Variants in IL13RA1 observed in about 807,000 individuals in gnomAD.
IL13RA1 encodes the protein interleukin 13 receptor subunit alpha 1.
In IL13RA1, 14 loss-of-function variants were observed where a neutral mutation model predicts 33.8. The ratio of observed to expected loss-of-function variants is 0.41; its 90% confidence interval spans 0.27 to 0.65. The LOEUF (loss-of-function observed/expected upper bound fraction) is 0.65, where lower values mean the gene tolerates loss of function less well. Among genes scored for constraint, IL13RA1 ranks in the 30% least tolerant of loss-of-function variants. The pLI is 0.28. For synonymous variants in IL13RA1, 116 were observed against 115.7 expected, an observed-to-expected ratio of 1.00 and a Z score of -0.02; for missense variants, 313 against 327.0, an observed-to-expected ratio of 0.96 and a Z score of 0.33.
intron 4 of IL13RA1, among the ~76,000 whole-genome samples, chrX:118,755,560 C>G (rs988751171): frequency 9.0e-6 from 1 of 111,564 alleles, no homozygotes; most frequent in Non-Finnish European, 1.9e-5. Flanking sequence ...GAAATGTTAT[C>G]TATTCAGAAC....
chrX:118,773,740 T>C, intron 8 of IL13RA1, 139 bp from the exon 9 acceptor site: 1 of 466,694 alleles, frequency 2.1e-6, no homozygotes, highest in Admixed American at 3.6e-5. Flanking sequence ...GAAGATAAGA[T>C]AATTGAAGAG....
intron 2 of IL13RA1, 137 bp from the exon 3 acceptor site, chrX:118,746,816 GC>G (rs2017410125): frequency 6.9e-6 from 3 of 437,717 alleles, no homozygotes; most frequent in Non-Finnish European, 1.2e-5. Context: ...AACAAAATCA[GC>G]CCCAATTGAG....
At chrX:118,773,361 T>G (rs2017745968) in intron 8 of IL13RA1, among the ~76,000 whole-genome samples, 2 of 111,323 alleles carry the variant, frequency 1.8e-5, no homozygotes, top group South Asian at 7.6e-4. Context: ...TGTGGTGGTG[T>G]GCGCCTGTAG....
chrX:118,731,561 A>G (rs1406838144), intron 1 of IL13RA1, among the ~76,000 whole-genome samples: 1 of 97,504 alleles, frequency 1.0e-5, no homozygotes. Context: ...TGGGTAACAG[A>G]GCGAGACTCC....
intron 10 of IL13RA1, among the ~76,000 whole-genome samples, chrX:118,780,128 G>A (rs776340439): frequency 1.8e-5 from 2 of 111,938 alleles, no homozygotes; most frequent in African/African-American, 6.5e-5. Flanking sequence ...CAGATATGGG[G>A]AAGGGTAAGA....
At chrX:118,774,186 G>A (rs1432277856) in intron 9 of IL13RA1, among the ~76,000 whole-genome samples, 1 of 99,187 alleles carries the variant, frequency 1.0e-5, no homozygotes, top group Non-Finnish European at 2.0e-5. Context: ...TGGAGTCTCT[G>A]TTGCCCAGGC....
chrX:118,766,546 G>A lies in IL13RA1; in HGVS notation c.845G>A (p.Cys282Tyr). The change falls in exon 7 of 11, where the codon TGT (cysteine) becomes TAT (tyrosine). Residue 282 changes from cysteine (C) to tyrosine (Y), a missense_variant. Physicochemically the swap from Cys to Tyr is radical, Grantham distance 194. Transcript: ENST00000371666. ...HNVFYVQEAK[C>Y]ENPEFERNVE... is the part of the protein sequence containing the mutation. The stretch of plus-strand genomic sequence containing the variant: ...ATTTTCAAGGTCCAAGAGGCTAAAT[G>A]TGAGAATCCAGAATTTGAGAGAAAT... 9.5e-7 allele frequency: 1 copy of A among 1,052,494 alleles called. No individual in the cohort carries two copies. The highest frequency in any genetic ancestry group is 1.3e-6 in the Non-Finnish European group (1 of 751,088). The allele number at this position is 1,052,494 out of a possible 1,213,427, so 86.7% of individuals were successfully genotyped here.
chrX:118,757,646 A>G (rs1179202545), intron 4 of IL13RA1, among the ~76,000 whole-genome samples: 2 of 99,045 alleles, frequency 2.0e-5, no homozygotes, highest in Non-Finnish European at 4.1e-5. Flanking sequence ...ATTGCTTTTC[A>G]TGGACATCTC....
chrX:118,734,727 G>T (rs2017262073), intron 1 of IL13RA1, among the ~76,000 whole-genome samples: 1 of 111,851 alleles, frequency 8.9e-6, no homozygotes, highest in Admixed American at 9.5e-5. Flanking sequence ...CTGCTATTTT[G>T]TTGAGAATTT....
At chrX:118,770,577 G>A (rs776050251) in intron 8 of IL13RA1, 1 of 496,378 alleles carries the variant, frequency 2.0e-6, no homozygotes, top group East Asian at 5.0e-5. Flanking sequence ...TCCGCAAGCT[G>A]TTCCGCAAGC....
At chrX:118,784,129 G>GTATATA (rs72041786) in intron 10 of IL13RA1, among the ~76,000 whole-genome samples, 2,335 of 61,458 alleles carry the variant, frequency 0.038, 185 homozygotes, top group Non-Finnish European at 0.044. Context: ...GTATATATAT[G>GTATATA]TATATATATA....
At chrX:118,776,384 A>G (rs757068866) in intron 9 of IL13RA1, 43 bp from the exon 10 acceptor site, 1 of 592,532 alleles carries the variant, frequency 1.7e-6, no homozygotes, top group African/African-American at 2.2e-5. Context: ...GGACACTCCT[A>G]TGGACTGGAA....
Position 118,794,312 on chromosome X carries a change from G to A in IL13RA1, c.*2458G>A, listed in dbSNP as rs1209116083. Reference sequence around the variant, plus strand: ...ATTAGTAGGCTCATTTACTGTTTTAGGTCTAGCCTATGTGGATTTTTTCCT... The same window carrying A: ...ATTAGTAGGCTCATTTACTGTTTTAAGTCTAGCCTATGTGGATTTTTTCCT... On this transcript the variant is annotated 3_prime_UTR_variant, in exon 11 of 11. Transcript: ENST00000371666. The A allele has an allele frequency of 8.9e-6, 1 of 112,327 alleles. No homozygotes were observed. The highest frequency in any genetic ancestry group is 2.8e-4 in the East Asian group (1 of 3,591). The allele number at this position is 112,327 out of a possible 1,213,427, so 9.3% of individuals were successfully genotyped here. A position where few individuals can be genotyped will look rare whatever the true frequency, so the allele number is the denominator to read the frequency against.
chrX:118,774,836 C>T (rs2017764747), intron 9 of IL13RA1, among the ~76,000 whole-genome samples: 1 of 111,109 alleles, frequency 9.0e-6, no homozygotes. Flanking sequence ...AAGTTGGATC[C>T]AGAACCAATA....
At chrX:118,788,213 G>A (rs1418904793) in intron 10 of IL13RA1, among the ~76,000 whole-genome samples, 1 of 111,747 alleles carries the variant, frequency 8.9e-6, no homozygotes, top group Non-Finnish European at 1.9e-5. Flanking sequence ...CTGACTTCAC[G>A]CAACACTTTC....
At chrX:118,740,666 G>T (rs1341794609) in intron 1 of IL13RA1, among the ~76,000 whole-genome samples, 2 of 112,078 alleles carry the variant, frequency 1.8e-5, no homozygotes, top group Non-Finnish European at 3.8e-5. Flanking sequence ...GGTGGCATGT[G>T]CCTGTAGTCC....
chrX:118,749,004 C>G (rs752951825), intron 3 of IL13RA1, among the ~76,000 whole-genome samples: 1 of 111,569 alleles, frequency 9.0e-6, no homozygotes, highest in Non-Finnish European at 1.9e-5. Context: ...CAACCTCCAC[C>G]CCCCTGGTTT....
intron 10 of IL13RA1, among the ~76,000 whole-genome samples, chrX:118,783,316 T>C (rs1444354042): frequency 3.6e-5 from 4 of 112,376 alleles, no homozygotes; most frequent in Admixed American, 9.5e-5. Flanking sequence ...ACTCTGTTGT[T>C]GATTACTTTG....
In IL13RA1 at chrX:118,787,197, C is replaced by T. The variant is rs763119676; in HGVS notation, c.1192-4565C>T. Among the ~76,000 whole-genome samples, 26 of 111,333 alleles carry T rather than the reference C, an allele frequency of 2.3e-4. No homozygotes were observed. In the East Asian group the frequency reaches 2.5e-3, roughly 11 times the overall value. On this transcript the variant is annotated intron_variant, in intron 10 of 10. Coordinates refer to ENST00000371666, the MANE Select transcript of IL13RA1 (RefSeq NM_001560.3). The stretch of plus-strand genomic sequence containing the variant: ...TTTTCTATTTTCCCTAAGTGTCAGC[C>T]GGTCTGATAAATAAAGGGAAAGAGT...
Sources: gnomAD v4.1 joint callset for allele counts (sites outside exome capture counted in the v4.1 genomes callset) on GRCh38, gnomAD v4.1.1 for gene constraint, MANE v1.5 for transcripts, NCBI Gene and HGNC (gene_info 2026-07-23, HGNC 2026-07-21) for gene names.